The following RBFOX1 variants were observed in gnomAD, a reference collection of about 807,000 sequenced individuals.
RBFOX1 encodes RNA binding protein fox-1 homolog 1.
In RBFOX1, 8 loss-of-function variants were observed where a neutral mutation model predicts 57.7. The observed-to-expected ratio is 0.14, with a 90% CI of 0.08 to 0.25. The LOEUF is 0.25. RBFOX1 is among the 10% of genes least tolerant of loss of function. The pLI, the probability that RBFOX1 is intolerant of heterozygous loss-of-function variation, is 1.00. For synonymous variants in RBFOX1, 326 were observed against 222.4 expected (o/e 1.47, Z -4.15); for missense variants, 611 against 548.5 (o/e 1.11, Z -1.14).
At chr16:6,813,243 C>T (rs1324452018) in intron 3 of RBFOX1, among the ~76,000 whole-genome samples, 1 of 152,108 alleles carries the variant, frequency 6.6e-6, no homozygotes, top group Non-Finnish European at 1.5e-5. Flanking sequence ...TTCTCCGGTT[C>T]CCCAGATAGT....
At chr16:7,245,862 G>T (rs543547337) in intron 4 of RBFOX1, among the ~76,000 whole-genome samples, 3 of 152,092 alleles carry the variant, frequency 2.0e-5, no homozygotes, top group East Asian at 1.9e-4. Flanking sequence ...TCCCCTTTGC[G>T]TTTATCTAAT....
chr16:6,809,687 C>G (rs1327932452), intron 3 of RBFOX1, among the ~76,000 whole-genome samples: 5 of 152,192 alleles, frequency 3.3e-5, no homozygotes, highest in Admixed American at 2.6e-4. Context: ...ATACGTAGAG[C>G]TGCAGAAGAG....
intron 1 of RBFOX1, among the ~76,000 whole-genome samples, chr16:6,075,278 A>G (rs977736071): frequency 9.2e-5 from 14 of 152,260 alleles, no homozygotes; most frequent in African/African-American, 3.1e-4. Context: ...AAATAAGATC[A>G]CCACATTTTC....
intron 5 of RBFOX1, among the ~76,000 whole-genome samples, chr16:7,546,838 C>A (rs1567765583): frequency 6.6e-6 from 1 of 152,126 alleles, no homozygotes; most frequent in Non-Finnish European, 1.5e-5. Context: ...TGACAAATAT[C>A]ACCTTGATGA....
At chr16:7,402,906 G>A (rs1568656466) in intron 4 of RBFOX1, among the ~76,000 whole-genome samples, 1 of 152,104 alleles carries the variant, frequency 6.6e-6, no homozygotes, top group African/African-American at 2.4e-5. Flanking sequence ...ATAAACTGTG[G>A]TCTATAGATG....
chr16:7,152,924 C>G (rs911461945), intron 4 of RBFOX1, among the ~76,000 whole-genome samples: 2 of 152,154 alleles, frequency 1.3e-5, no homozygotes, highest in Non-Finnish European at 2.9e-5. Context: ...TGAGAACAAA[C>G]AAAATCTAGG....
At chr16:6,626,113 T>C (rs545197049) in intron 2 of RBFOX1, among the ~76,000 whole-genome samples, 3 of 152,166 alleles carry the variant, frequency 2.0e-5, no homozygotes, top group South Asian at 2.1e-4. Flanking sequence ...TGTACCAACA[T>C]TGCATCAAGG....
At chr16:5,964,874 G>A (rs1054957165) in intron 4 of RBFOX1, among the ~76,000 whole-genome samples, 1 of 151,942 alleles carries the variant, frequency 6.6e-6, no homozygotes, top group African/African-American at 2.4e-5. Flanking sequence ...ATGGCTGAAT[G>A]GATAAAGAAA....
At chr16:6,006,829 T>C (rs1215555960) in intron 4 of RBFOX1, among the ~76,000 whole-genome samples, 2 of 152,182 alleles carry the variant, frequency 1.3e-5, no homozygotes, top group Non-Finnish European at 2.9e-5. Context: ...AAGAGGATTG[T>C]AGGAGGGAAT....
At chr16:6,124,719 G>T (rs1157345682) in intron 1 of RBFOX1, among the ~76,000 whole-genome samples, 6 of 152,112 alleles carry the variant, frequency 3.9e-5, no homozygotes, top group Non-Finnish European at 8.8e-5. Flanking sequence ...GTAGAGACGG[G>T]GTTTCACCAT....
At chr16:5,362,010 T>C (rs1379486524) in intron 1 of RBFOX1, among the ~76,000 whole-genome samples, 1 of 152,220 alleles carries the variant, frequency 6.6e-6, no homozygotes, top group African/African-American at 2.4e-5. Flanking sequence ...TTTTGAGATA[T>C]TAATTGTGCC....
At chr16:7,053,130 T>C (rs1265286898) in intron 4 of RBFOX1, among the ~76,000 whole-genome samples, 1 of 152,228 alleles carries the variant, frequency 6.6e-6, no homozygotes, top group Non-Finnish European at 1.5e-5. Context: ...CAATAATTTG[T>C]AGAGTTGCTT....
intron 4 of RBFOX1, among the ~76,000 whole-genome samples, chr16:7,185,024 G>C (rs750840796): frequency 6.6e-6 from 1 of 152,120 alleles, no homozygotes; most frequent in African/African-American, 2.4e-5. Context: ...TAAGGAAATT[G>C]ATCCTTAGAT....
At chr16:6,539,512 G>A (rs181627068) in intron 2 of RBFOX1, among the ~76,000 whole-genome samples, 272 of 152,030 alleles carry the variant, frequency 1.8e-3, no homozygotes, top group African/African-American at 6.1e-3. Context: ...AAACACACAC[G>A]TACAGTCAGG....
intron 13 of RBFOX1, among the ~76,000 whole-genome samples, chr16:7,668,282 C>A (rs2070102602): frequency 6.6e-6 from 1 of 152,120 alleles, no homozygotes; most frequent in Non-Finnish European, 1.5e-5. Flanking sequence ...CCTGCGTGAT[C>A]CCTGTAACTG....
chr16:6,726,677 G>A (rs187489460), intron 3 of RBFOX1, among the ~76,000 whole-genome samples: 144 of 152,254 alleles, frequency 9.5e-4, no homozygotes, highest in African/African-American at 2.8e-3. Flanking sequence ...GCTGATCAGC[G>A]TCTGGACTGG....
At chr16:6,855,801 T>C (rs1338057296) in intron 3 of RBFOX1, among the ~76,000 whole-genome samples, 1 of 133,994 alleles carries the variant, frequency 7.5e-6, no homozygotes, top group Non-Finnish European at 1.6e-5. Flanking sequence ...GTGATAAATT[T>C]CCTTCTTCCC....
chr16:6,652,979 C>T (rs55865600), intron 2 of RBFOX1, among the ~76,000 whole-genome samples: 74,406 of 151,938 alleles, frequency 0.49, 18,586 homozygotes, highest in Middle Eastern at 0.53. Context: ...GTAAACATCT[C>T]CCTGTGATCT....
intron 4 of RBFOX1, among the ~76,000 whole-genome samples, chr16:7,137,893 T>C (rs918731764): frequency 5.9e-5 from 9 of 152,234 alleles, no homozygotes; most frequent in African/African-American, 1.9e-4. Flanking sequence ...CCAGATATTG[T>C]TTTAACTTTT....
Sources: gnomAD v4.1 joint callset for allele counts (sites outside exome capture counted in the v4.1 genomes callset) on GRCh38, gnomAD v4.1.1 for gene constraint, MANE v1.5 for transcripts, NCBI Gene and HGNC (gene_info 2026-07-23, HGNC 2026-07-21) for gene names.